FAAP24: variants seen among roughly 807,000 people sequenced by gnomAD.
The protein encoded by FAAP24 is FA core complex associated protein 24.
FAAP24 carries 16 observed loss-of-function variants against 14.3 expected under a neutral mutation model. That is an observed-to-expected ratio of 1.12 (90% CI 0.76 to 1.69). The LOEUF is 1.69. Ranked by LOEUF, FAAP24 falls within the 40% of genes most tolerant of loss-of-function variation. FAAP24 has a pLI of 0.00. For synonymous variants in FAAP24, 111 were observed against 106.2 expected (o/e 1.04, Z -0.28); for missense variants, 234 against 262.7 (o/e 0.89, Z 0.75).
intron 4 of FAAP24, among the ~76,000 whole-genome samples, chr19:32,975,928 T>A (rs186984782): frequency 6.6e-6 from 1 of 152,330 alleles, no homozygotes; most frequent in East Asian, 1.9e-4. Context: ...GAGAGCCACA[T>A]TGAAGATGCA....
chr19:32,975,617 G>A lies in FAAP24; in HGVS notation c.397-814G>A, dbSNP rs150094815. On this transcript the variant is annotated intron_variant, in intron 4 of 4. Transcript: ENST00000588258. The stretch of plus-strand genomic sequence containing the variant: ...TGGAATTACAGGTGCCCGCCACCAC[G>A]CCCAGCTAATTTGTATTCTTAGTAA... Among the ~76,000 whole-genome samples, 676 of 151,458 alleles carry A rather than the reference G, an allele frequency of 4.5e-3. 5 individuals carry two copies. The highest frequency in any genetic ancestry group is 0.015 in the African/African-American group (614 of 41,230).
chr19:32,975,446 C>T (rs1012766845), intron 4 of FAAP24, among the ~76,000 whole-genome samples: 3 of 151,284 alleles, frequency 2.0e-5, no homozygotes, highest in Admixed American at 6.6e-5. Flanking sequence ...TCTGGGCCAC[C>T]GCACCAACCA....
intron 4 of FAAP24, 121 bp from the exon 5 acceptor site, chr19:32,976,309 CA>C (rs1487214697): frequency 4.9e-6 from 6 of 1,230,472 alleles, no homozygotes; most frequent in African/African-American, 1.5e-5. Flanking sequence ...TACATGAAAA[CA>C]TTTGTTCCCT....
rs1971437782 is a variant in FAAP24, at chr19:32,972,289, G to C, written c.-71G>C. The C allele has an allele frequency of 2.3e-6, 1 of 429,346 alleles. No homozygotes were observed. The highest frequency in any genetic ancestry group is 2.0e-5 in the African/African-American group (1 of 50,088). 26.6% of individuals were successfully genotyped at this position (429,346 alleles called of 1,614,324 possible). A position where few individuals can be genotyped will look rare whatever the true frequency, so the allele number is the denominator to read the frequency against. On this transcript the variant is annotated 5_prime_UTR_variant, in exon 1 of 5. Coordinates refer to ENST00000588258, the MANE Select transcript of FAAP24 (RefSeq NM_152266.5). ...CCACCAGTAACATGATCTCTAGACT[G>C]GGACGGTGGGGTTCCTGCCGGCTGT...
intron 4 of FAAP24, among the ~76,000 whole-genome samples, chr19:32,974,478 C>A (rs532492002): frequency 6.6e-5 from 10 of 152,100 alleles, no homozygotes; most frequent in African/African-American, 2.4e-4. Context: ...CCTGCCCTTT[C>A]GCTGGTGAAA....
intron 4 of FAAP24, among the ~76,000 whole-genome samples, 172 bp downstream of exon 4, chr19:32,974,384 A>G (rs1027393833): frequency 6.6e-6 from 1 of 152,144 alleles, no homozygotes; most frequent in African/African-American, 2.4e-5. Context: ...CTTGTCACAC[A>G]CTCCAGGCAA....
Position 32,977,606 on chromosome 19 carries a change from T to A in FAAP24, c.*924T>A. ...TCTTCTGCACACAGAAAGTATGAAGTCTGAAGTTCCCACTTAAAGTTGAAA... is the reference window on the plus strand; with the variant it reads ...TCTTCTGCACACAGAAAGTATGAAGACTGAAGTTCCCACTTAAAGTTGAAA... On this transcript the variant is annotated 3_prime_UTR_variant, in exon 5 of 5. Coordinates refer to ENST00000588258, the MANE Select transcript of FAAP24 (RefSeq NM_152266.5). 1 of 396,354 alleles carries A rather than the reference T, an allele frequency of 2.5e-6. No individual in the cohort carries two copies. 24.6% of individuals were successfully genotyped at this position (396,354 alleles called of 1,614,324 possible). A position where few individuals can be genotyped will look rare whatever the true frequency, so the allele number is the denominator to read the frequency against.
chr19:32,977,661 C>T lies in FAAP24; in HGVS notation c.*979C>T, dbSNP rs1212453770. On this transcript the variant is annotated 3_prime_UTR_variant, in exon 5 of 5. Transcript: ENST00000588258. Reference sequence around the variant, plus strand: ...AACGGCCGGGCATAGTGGCTCACACCTGTAATCCCAGCACTTTGGGAGGCC... The same window carrying T: ...AACGGCCGGGCATAGTGGCTCACACTTGTAATCCCAGCACTTTGGGAGGCC... 1 of 381,846 alleles carries T rather than the reference C, an allele frequency of 2.6e-6. No homozygotes were observed. Among genetic ancestry groups the T allele is most frequent in the Non-Finnish European group, 4.6e-6 (1 of 216,530 alleles). 23.7% of individuals were successfully genotyped at this position (381,846 alleles called of 1,614,324 possible). A position where few individuals can be genotyped will look rare whatever the true frequency, so the allele number is the denominator to read the frequency against.
Position 32,974,198 on chromosome 19 carries a change from C to T in FAAP24, c.382C>T (p.Leu128Phe), listed in dbSNP as rs1464124319. The T allele has an allele frequency of 1.2e-6, 2 of 1,613,048 alleles. No individual in the cohort carries two copies. The highest frequency in any genetic ancestry group is 8.5e-7 in the Non-Finnish European group (1 of 1,179,758). Residue 128 changes from leucine (L) to phenylalanine (F), a missense_variant, in exon 4 of 5, where the codon CTC becomes TTC. By Grantham distance (22) the Leu-to-Phe change is conservative. Transcript: ENST00000588258. ...PVASQMEASC[L>F]VIQLVQEQTK... ...GGCCAGCCAGATGGAAGCATCCTGC[C>T]TCGTCATCCAGTTGGTGAGTACCGA...
chr19:32,973,495 T>C lies in FAAP24; in HGVS notation c.176T>C (p.Leu59Pro), dbSNP rs531017428. The change falls in exon 3 of 5, where the codon CTT becomes CCT. Residue 59 changes from leucine to proline, a missense_variant. Physicochemically the swap from Leu to Pro is moderately conservative, Grantham distance 98. Coordinates refer to ENST00000588258, the MANE Select transcript of FAAP24 (RefSeq NM_152266.5). ...TATCTGTCGAACAGATGCTGCATTC[T>C]TTATGTCACCGAAGCTGATTTGGTG... is the stretch of plus-strand genomic sequence containing the variant. ...DFYLSNRCCI[L>P]YVTEADLVAG... 13 of 1,614,254 alleles carry C rather than the reference T, an allele frequency of 8.1e-6. No homozygotes were observed. In the South Asian group the frequency reaches 1.3e-4, roughly 16 times the overall value.
Position 32,976,907 on chromosome 19 carries a change from GACA to G in FAAP24, c.*226_*228del. ...ATAGGAACAATTAGCCAGGCATGGT[GACA>G]GGTGCCTGTAATCCCAGCTACTTGG... On this transcript the variant is annotated 3_prime_UTR_variant, in exon 5 of 5. Coordinates refer to ENST00000588258, the MANE Select transcript of FAAP24 (RefSeq NM_152266.5). 1 of 584,014 alleles carries G rather than the reference GACA, an allele frequency of 1.7e-6. No individual in the cohort carries two copies. Among genetic ancestry groups the G allele is most frequent in the East Asian group, 2.9e-5 (1 of 34,780 alleles). 36.2% of individuals were successfully genotyped at this position (584,014 alleles called of 1,614,324 possible). A position where few individuals can be genotyped will look rare whatever the true frequency, so the allele number is the denominator to read the frequency against.
intron 4 of FAAP24, 113 bp downstream of exon 4, chr19:32,974,325 A>C: frequency 7.7e-7 from 1 of 1,299,566 alleles, no homozygotes. Context: ...GGTTTATAAA[A>C]TCTCTTCGAG....
chr19:32,973,377 T>C, intron 2 of FAAP24, 49 bp from the exon 3 acceptor site: 2 of 1,601,236 alleles, frequency 1.2e-6, no homozygotes, highest in East Asian at 4.5e-5. Context: ...ATTATTGCCA[T>C]CTTTTCATCC....
At position 32,977,760 on chromosome 19, in the gene FAAP24, A is replaced by T. The variant is rs1236133411; in HGVS notation, c.*1078A>T. The T allele has an allele frequency of 4.5e-6, 1 of 219,808 alleles. No homozygotes were observed. Among genetic ancestry groups the T allele is most frequent in the Non-Finnish European group, 8.8e-6 (1 of 113,262 alleles). The allele number at this position is 219,808 out of a possible 1,614,324, so 13.6% of individuals were successfully genotyped here. A position where few individuals can be genotyped will look rare whatever the true frequency, so the allele number is the denominator to read the frequency against. On this transcript the variant is annotated 3_prime_UTR_variant, in exon 5 of 5. Transcript: ENST00000588258. ...ATGGTGAAGCCCTGTCTCTACTAAA[A>T]ATACAAAAATTAGCTGGGTGTGGTG... is the stretch of plus-strand genomic sequence containing the variant.
chr19:32,976,291 A>ATTATG (rs1323926165), intron 4 of FAAP24, 140 bp from the exon 5 acceptor site: 1 of 1,036,252 alleles, frequency 9.7e-7, no homozygotes, highest in Non-Finnish European at 1.4e-6. Flanking sequence ...GAGAAATTAT[A>ATTATG]TTCATGATAC....
chr19:32,975,460 CTTT>C (rs35704162), intron 4 of FAAP24, among the ~76,000 whole-genome samples: 36 of 137,276 alleles, frequency 2.6e-4, no homozygotes, highest in Admixed American at 7.4e-5. Flanking sequence ...CCAACCAACA[CTTT>C]TTTTTTTTTT....
chr19:32,973,370 A>G, intron 2 of FAAP24, 56 bp from the exon 3 acceptor site: 1 of 1,601,468 alleles, frequency 6.2e-7, no homozygotes, highest in Non-Finnish European at 8.5e-7. Flanking sequence ...TCTGCCTATT[A>G]TTGCCATCTT....
Position 32,974,645 on chromosome 19 carries a change from G to A in FAAP24, c.396+433G>A, listed in dbSNP as rs756520017. 5.9e-4 allele frequency among the ~76,000 whole-genome samples: 89 copies of A among 152,020 alleles called. 1 individual carries two copies. The highest frequency in any genetic ancestry group is 1.2e-3 in the Non-Finnish European group (79 of 68,014). On this transcript the variant is annotated intron_variant, in intron 4 of 4. Coordinates refer to ENST00000588258, the MANE Select transcript of FAAP24 (RefSeq NM_152266.5). ...CTAAAAATACAAAAATTAGCTGGGC[G>A]TGGTGGTGGGTGCATGTAATCCCAG...
Position 32,977,052 on chromosome 19 carries a change from CA to C in FAAP24, c.*386del, listed in dbSNP as rs56403853. On this transcript the variant is annotated 3_prime_UTR_variant, in exon 5 of 5. Coordinates refer to ENST00000588258, the MANE Select transcript of FAAP24 (RefSeq NM_152266.5). ...CGAGACTCCGTCTCAAAGAAAACAA[CA>C]AAAAAAAAAAAAAAAGAAAAAGGAT... The C allele has an allele frequency of 0.081, 26,604 of 329,996 alleles. 33 individuals are homozygous for C. Among genetic ancestry groups the C allele is most frequent in the Non-Finnish European group, 0.092 (17,239 of 188,290 alleles). The allele number at this position is 329,996 out of a possible 1,614,324, so 20.4% of individuals were successfully genotyped here.
Sources: gnomAD v4.1 joint callset for allele counts (sites outside exome capture counted in the v4.1 genomes callset) on GRCh38, gnomAD v4.1.1 for gene constraint, MANE v1.5 for transcripts, NCBI Gene and HGNC (gene_info 2026-07-23, HGNC 2026-07-21) for gene names.